Variants in R3HDM2 observed in about 807,000 individuals in gnomAD.
R3HDM2 encodes the protein R3H domain containing 2.
R3HDM2 carries 38 observed loss-of-function variants against 124.5 expected under a neutral mutation model. The ratio of observed to expected loss-of-function variants is 0.31; its 90% CI spans 0.24 to 0.40. R3HDM2 has a LOEUF of 0.40. Among genes scored for constraint, R3HDM2 ranks in the 10% least tolerant of loss-of-function variants. The probability of loss-of-function intolerance (pLI) is 1.00; values close to 1 mark genes in which losing one functional copy is unlikely to be tolerated. For missense variants in R3HDM2, 869 were observed against 1,236.9 expected, an observed-to-expected ratio of 0.70 and a Z score of 4.46; for synonymous variants, 391 against 448.0, an observed-to-expected ratio of 0.87 and a Z score of 1.61.
At position 57,266,789 on chromosome 12, in the gene R3HDM2, G is replaced by A. The variant is rs146780443; in HGVS notation, c.2073C>T (p.Tyr691=). 2,869 of 1,611,002 alleles carry A rather than the reference G, an allele frequency of 1.8e-3. 45 individuals carry two copies. The African/African-American group carries it at 0.036, about 20-fold the overall frequency. ...AGGGAGAGGGAGACTGAGGCATCTG[G>A]TACTGCTCAGAGCCAGGGGGTTGCA... ...GFLQPPGSEQ[Y]QMPQSPSPCS... The change falls in exon 19 of 24, where the codon TAC becomes TAT. Residue 691 remains tyrosine (Y), a synonymous_variant. Coordinates refer to ENST00000402412, the MANE Select transcript of R3HDM2 (RefSeq NM_001394031.1).
intron 2 of R3HDM2, among the ~76,000 whole-genome samples, chr12:57,319,531 CCT>C (rs10594574): frequency 0.45 from 68,952 of 151,744 alleles, 16,311 homozygotes; most frequent in Middle Eastern, 0.8. Flanking sequence ...CCCACCGGCC[CCT>C]GTTTAGCCTT....
chr12:57,414,902 G>C (rs2069419543), intron 1 of R3HDM2, among the ~76,000 whole-genome samples: 1 of 151,896 alleles, frequency 6.6e-6, no homozygotes, highest in African/African-American at 2.4e-5. Context: ...CCCATTCAAG[G>C]AATCAGGATT....
chr12:57,355,652 T>C (rs925511058), intron 2 of R3HDM2, among the ~76,000 whole-genome samples: 1 of 152,172 alleles, frequency 6.6e-6, no homozygotes, highest in Non-Finnish European at 1.5e-5. Context: ...TAATCTTCAT[T>C]TTCAAACTTG....
At chr12:57,383,097 C>T (rs1348155385) in intron 2 of R3HDM2, among the ~76,000 whole-genome samples, 3 of 151,774 alleles carry the variant, frequency 2.0e-5, no homozygotes, top group Non-Finnish European at 4.4e-5. Context: ...TCAGGTGATC[C>T]ACCGGCCTTG....
At chr12:57,428,119 CAA>C (rs879458111) in intron 1 of R3HDM2, among the ~76,000 whole-genome samples, 6 of 131,912 alleles carry the variant, frequency 4.5e-5, no homozygotes, top group East Asian at 2.1e-4. Flanking sequence ...GACTCCATCT[CAA>C]AAAAAAAAAA....
intron 2 of R3HDM2, among the ~76,000 whole-genome samples, chr12:57,319,358 G>C (rs7975026): frequency 6.6e-6 from 1 of 151,962 alleles, no homozygotes; most frequent in East Asian, 1.9e-4. Flanking sequence ...TTCTACAACC[G>C]TAGTCTTCCA....
At position 57,256,081 on chromosome 12, in the gene R3HDM2, C is replaced by T. The variant is rs751643634; in HGVS notation, c.2548-7G>A. ...GCTTCAGTCCACTCTGTCCCTTCAACATTTGAAAGACGACTCTCATCCCAT... is the reference window on the plus strand; with the variant it reads ...GCTTCAGTCCACTCTGTCCCTTCAATATTTGAAAGACGACTCTCATCCCAT... On this transcript the variant is annotated splice_region_variant and splice_polypyrimidine_tract_variant and intron_variant, in intron 22 of 23. Coordinates refer to ENST00000402412, the MANE Select transcript of R3HDM2 (RefSeq NM_001394031.1). The T allele has an allele frequency of 3.7e-6, 6 of 1,611,164 alleles. No individual in the cohort carries two copies. In the Admixed American group the frequency reaches 5.0e-5, roughly 13 times the overall value.
chr12:57,264,776 A>G (rs1306871618), intron 19 of R3HDM2, among the ~76,000 whole-genome samples: 2 of 152,010 alleles, frequency 1.3e-5, no homozygotes, highest in African/African-American at 2.4e-5. Flanking sequence ...GGGACGAACT[A>G]AAAGCACATG....
chr12:57,261,961 C>T (rs1487765055), intron 19 of R3HDM2, among the ~76,000 whole-genome samples: 3 of 151,994 alleles, frequency 2.0e-5, no homozygotes, highest in East Asian at 3.9e-4. Flanking sequence ...GCAGAAAGGT[C>T]GATTGGGCAC....
intron 2 of R3HDM2, among the ~76,000 whole-genome samples, chr12:57,313,574 AAAAT>A (rs1256139403): frequency 1.1e-4 from 15 of 141,140 alleles, no homozygotes; most frequent in Non-Finnish European, 1.6e-5. Context: ...AAAAAAAAAA[AAAAT>A]AATAATAATA....
chr12:57,270,643 G>T (rs2043396752), intron 14 of R3HDM2, among the ~76,000 whole-genome samples: 1 of 152,052 alleles, frequency 6.6e-6, no homozygotes, highest in South Asian at 2.1e-4. Flanking sequence ...ATGTTGGCCA[G>T]GCTGGTCTCA....
chr12:57,430,489 G>GCCCCCCCCCCCCCCCCCCCCCCC, intron 1 of R3HDM2: 1 of 790,578 alleles, frequency 1.3e-6, no homozygotes, highest in Non-Finnish European at 1.5e-6. Context: ...CCACCCCCCT[G>GCCCCCCCCCCCCCCCCCCCCCCC]CCCCCGCACC....
chr12:57,357,644 A>ATTTTTTTTTTTTTTTTTTTTTTTTTT (rs35477289), intron 2 of R3HDM2, among the ~76,000 whole-genome samples: 1 of 127,442 alleles, frequency 7.8e-6, no homozygotes, highest in African/African-American at 2.9e-5. Flanking sequence ...AGTTTTGCTG[A>ATTTTTTTTTTTTTTTTTTTTTTTTTT]TTTTTTTTTT....
intron 1 of R3HDM2, among the ~76,000 whole-genome samples, chr12:57,407,939 G>C (rs906290511): frequency 1.7e-4 from 26 of 150,316 alleles, no homozygotes; most frequent in Admixed American, 1.7e-3. Flanking sequence ...CTAATTTTTT[G>C]TTTTTCTGAT....
intron 2 of R3HDM2, among the ~76,000 whole-genome samples, chr12:57,378,420 T>G (rs1456285474): frequency 1.5e-4 from 23 of 152,086 alleles, no homozygotes; most frequent in Admixed American, 1.5e-3. Context: ...TGCTCTGTTG[T>G]CCAGGCTGGT....
At chr12:57,353,985 C>T (rs904013526) in intron 2 of R3HDM2, among the ~76,000 whole-genome samples, 1 of 151,916 alleles carries the variant, frequency 6.6e-6, no homozygotes, top group African/African-American at 2.4e-5. Flanking sequence ...TTCTGAGTAG[C>T]TAGGATTACA....
intron 6 of R3HDM2, 129 bp downstream of exon 6, chr12:57,299,223 C>A: frequency 9.4e-7 from 1 of 1,065,030 alleles, no homozygotes; most frequent in South Asian, 1.7e-5. Context: ...CGTTAGGCAT[C>A]TCCTCAAGCA....
intron 14 of R3HDM2, among the ~76,000 whole-genome samples, chr12:57,271,103 C>G (rs1180421231): frequency 6.6e-6 from 1 of 152,188 alleles, no homozygotes; most frequent in Non-Finnish European, 1.5e-5. Flanking sequence ...GGTTCATGTG[C>G]CTTCACAGCT....
At chr12:57,409,927 C>T (rs372684295) in intron 1 of R3HDM2, among the ~76,000 whole-genome samples, 6 of 152,124 alleles carry the variant, frequency 3.9e-5, no homozygotes, top group African/African-American at 1.2e-4. Flanking sequence ...AAAAAAAGCA[C>T]ATGGGCTTAA....
Sources: gnomAD v4.1 joint callset for allele counts (sites outside exome capture counted in the v4.1 genomes callset) on GRCh38, gnomAD v4.1.1 for gene constraint, MANE v1.5 for transcripts, NCBI Gene and HGNC (gene_info 2026-07-23, HGNC 2026-07-21) for gene names.